The following RALYL variants were observed in gnomAD, a reference collection of about 807,000 sequenced individuals.
RALYL encodes the protein RNA-binding Raly-like protein.
RALYL carries 29 observed loss-of-function variants against 35.1 expected under a neutral mutation model. That is an observed-to-expected ratio of 0.83 (90% CI 0.61 to 1.13). The LOEUF is 1.13. RALYL is among the 50% of genes most tolerant of loss of function. The pLI, the probability that RALYL is intolerant of heterozygous loss-of-function variation, is 0.00. For missense variants in RALYL, 359 were observed against 360.4 expected (o/e 1.00, Z 0.03); for synonymous variants, 120 against 127.6 (o/e 0.94, Z 0.40).
At chr8:84,878,266 A>G (rs1225705471) in intron 7 of RALYL, among the ~76,000 whole-genome samples, 3 of 152,108 alleles carry the variant, frequency 2.0e-5, no homozygotes, top group East Asian at 1.9e-4. Flanking sequence ...AGAGGGAGAA[A>G]GTTTCCGTAA....
chr8:84,529,258 C>G, intron 1 of RALYL, 41 bp from the exon 2 acceptor site: 2 of 1,540,936 alleles, frequency 1.3e-6, no homozygotes, highest in Admixed American at 4.0e-5. Flanking sequence ...AATGATTTAC[C>G]TTTTGATTAT....
chr8:84,550,995 T>C (rs906107372), intron 2 of RALYL, among the ~76,000 whole-genome samples: 2 of 151,988 alleles, frequency 1.3e-5, no homozygotes, highest in African/African-American at 4.8e-5. Context: ...AAATAAAGCA[T>C]AAACAAGATT....
intron 1 of RALYL, among the ~76,000 whole-genome samples, chr8:84,299,542 G>C (rs1586064738): frequency 6.6e-6 from 1 of 151,952 alleles, no homozygotes; most frequent in Non-Finnish European, 1.5e-5. Flanking sequence ...AGTAGGAATG[G>C]TACCAGTTCT....
chr8:84,821,158 T>A (rs1054537916), intron 4 of RALYL, among the ~76,000 whole-genome samples: 5 of 152,204 alleles, frequency 3.3e-5, no homozygotes, highest in African/African-American at 1.2e-4. Flanking sequence ...CTTGATTATC[T>A]AAATAATTTT....
At chr8:84,265,128 G>A (rs1833047535) in intron 1 of RALYL, among the ~76,000 whole-genome samples, 1 of 152,118 alleles carries the variant, frequency 6.6e-6, no homozygotes, top group Non-Finnish European at 1.5e-5. Context: ...CTTTTTCATA[G>A]TCCTTGTTGG....
At chr8:84,795,228 A>G (rs1821645475) in intron 3 of RALYL, among the ~76,000 whole-genome samples, 1 of 152,250 alleles carries the variant, frequency 6.6e-6, no homozygotes, top group Non-Finnish European at 1.5e-5. Context: ...GTAGGTAAAT[A>G]TGATGTTCTT....
At chr8:84,719,766 C>T (rs1216887027) in intron 2 of RALYL, among the ~76,000 whole-genome samples, 3 of 152,048 alleles carry the variant, frequency 2.0e-5, no homozygotes, top group Non-Finnish European at 2.9e-5. Flanking sequence ...GCATTTTCAT[C>T]ATCTCTTTGT....
chr8:84,813,782 G>A (rs1001710629), intron 4 of RALYL, among the ~76,000 whole-genome samples: 1 of 150,492 alleles, frequency 6.6e-6, no homozygotes, highest in Non-Finnish European at 1.5e-5. Flanking sequence ...AATACTTTAA[G>A]TTCTAGGGTA....
At chr8:84,585,812 T>C (rs1300323237) in intron 2 of RALYL, among the ~76,000 whole-genome samples, 2 of 152,056 alleles carry the variant, frequency 1.3e-5, no homozygotes, top group Non-Finnish European at 2.9e-5. Context: ...ACATGAAACA[T>C]ACACACAAGT....
intron 1 of RALYL, among the ~76,000 whole-genome samples, chr8:84,237,019 A>G (rs1826745144): frequency 6.6e-6 from 1 of 152,190 alleles, no homozygotes. Flanking sequence ...TCAAAATTTG[A>G]TCTCTCCAAA....
At chr8:84,445,079 A>T (rs1334790424) in intron 1 of RALYL, among the ~76,000 whole-genome samples, 1 of 152,070 alleles carries the variant, frequency 6.6e-6, no homozygotes, top group African/African-American at 2.4e-5. Context: ...TTTAGCAATG[A>T]CCAAAATCCA....
intron 1 of RALYL, among the ~76,000 whole-genome samples, chr8:84,251,482 T>A (rs1830184547): frequency 6.6e-6 from 1 of 152,138 alleles, no homozygotes; most frequent in Admixed American, 6.6e-5. Flanking sequence ...ACTGTTATTT[T>A]TTTTTTGAAA....
intron 1 of RALYL, among the ~76,000 whole-genome samples, chr8:84,188,139 A>G (rs1812977075): frequency 2.0e-5 from 3 of 151,976 alleles, no homozygotes; most frequent in Non-Finnish European, 2.9e-5. Context: ...CAAGGGGTAC[A>G]TGTACAGTTT....
intron 1 of RALYL, among the ~76,000 whole-genome samples, chr8:84,416,831 C>G (rs1231677475): frequency 1.3e-5 from 2 of 152,112 alleles, no homozygotes; most frequent in African/African-American, 4.8e-5. Context: ...AAAGAATATA[C>G]TTTACCCAAT....
chr8:84,367,217 C>T (rs1026640446), intron 1 of RALYL, among the ~76,000 whole-genome samples: 2 of 148,220 alleles, frequency 1.3e-5, no homozygotes, highest in Non-Finnish European at 3.0e-5. Context: ...CTCACTGCAA[C>T]CTCTGCCTCC....
chr8:84,365,756 A>G (rs1163160985), intron 1 of RALYL, among the ~76,000 whole-genome samples: 1 of 152,230 alleles, frequency 6.6e-6, no homozygotes, highest in African/African-American at 2.4e-5. Context: ...TTTACTCAGA[A>G]AATGAATTTT....
intron 1 of RALYL, among the ~76,000 whole-genome samples, chr8:84,331,582 G>T (rs1008963868): frequency 6.6e-6 from 1 of 152,064 alleles, no homozygotes; most frequent in Non-Finnish European, 1.5e-5. Context: ...TATGCTCATA[G>T]CCAAGGTCCA....
intron 1 of RALYL, among the ~76,000 whole-genome samples, chr8:84,511,293 T>C (rs2057594423): frequency 6.6e-6 from 1 of 152,242 alleles, no homozygotes; most frequent in Non-Finnish European, 1.5e-5. Context: ...AGGCATTTGC[T>C]TGAAATATCT....
At chr8:84,428,102 TCTCTCACACA>T (rs1260979185) in intron 1 of RALYL, among the ~76,000 whole-genome samples, 4 of 131,162 alleles carry the variant, frequency 3.0e-5, no homozygotes, top group African/African-American at 1.3e-4. Context: ...TCTCTCTCTC[TCTCTCACACA>T]CACACACACA....
Sources: gnomAD v4.1 joint callset for allele counts (sites outside exome capture counted in the v4.1 genomes callset) on GRCh38, gnomAD v4.1.1 for gene constraint, MANE v1.5 for transcripts, NCBI Gene and HGNC (gene_info 2026-07-23, HGNC 2026-07-21) for gene names.